The following PARD3B variants were observed in gnomAD, a reference collection of about 807,000 sequenced individuals.
The protein encoded by PARD3B is partitioning defective 3 homolog B.
Under a neutral mutation model 130.2 loss-of-function variants are expected in PARD3B, and 103 were observed. That is an observed-to-expected ratio of 0.79 (90% CI 0.67 to 0.93). The LOEUF (loss-of-function observed/expected upper bound fraction) is 0.93, where lower values mean the gene tolerates loss of function less well. Ranked by LOEUF, PARD3B falls within the 40% of genes least tolerant of loss-of-function variation. PARD3B has a pLI of 0.00. For synonymous variants in PARD3B, 583 were observed against 553.2 expected (o/e 1.05, Z -0.76); for missense variants, 1,609 against 1,499.2 (o/e 1.07, Z -1.21).
At chr2:205,256,508 C>T (rs1376804724) in intron 16 of PARD3B, among the ~76,000 whole-genome samples, 2 of 152,108 alleles carry the variant, frequency 1.3e-5, no homozygotes, top group African/African-American at 2.4e-5. Context: ...GAAAAAGTAA[C>T]AGTGGTTATC....
chr2:204,611,343 CT>C (rs2033914828), intron 1 of PARD3B, among the ~76,000 whole-genome samples: 1 of 152,116 alleles, frequency 6.6e-6, no homozygotes, highest in Admixed American at 6.5e-5. Context: ...ATTTTGACCC[CT>C]GTCTAAGAAA....
intron 2 of PARD3B, among the ~76,000 whole-genome samples, chr2:204,779,742 G>A (rs1434719202): frequency 6.6e-6 from 1 of 152,126 alleles, no homozygotes; most frequent in African/African-American, 2.4e-5. Context: ...GATGGTATTC[G>A]AGGCCAGGTC....
Position 205,312,663 on chromosome 2 carries a change from T to C in PARD3B, c.2630+10962T>C, listed in dbSNP as rs896325206. Among the ~76,000 whole-genome samples the C allele has an allele frequency of 5.3e-5, 8 of 152,238 alleles. No individual in the cohort carries two copies. In the East Asian group the frequency reaches 1.2e-3, roughly 22 times the overall value. Reference sequence around the variant, plus strand: ...TTTGGTAACTCTGAATTTTCTCTCTTCAGCCCATCTTAAATTATTTACTTT... The same window carrying C: ...TTTGGTAACTCTGAATTTTCTCTCTCCAGCCCATCTTAAATTATTTACTTT... On this transcript the variant is annotated intron_variant, in intron 18 of 22. Transcript: ENST00000406610.
At chr2:204,589,913 G>T (rs2033003504) in intron 1 of PARD3B, among the ~76,000 whole-genome samples, 1 of 152,258 alleles carries the variant, frequency 6.6e-6, no homozygotes, top group African/African-American at 2.4e-5. Flanking sequence ...GGGAGATGGG[G>T]ACTTGCTTCT....
At chr2:205,226,404 T>A (rs2038552979) in intron 15 of PARD3B, among the ~76,000 whole-genome samples, 2 of 152,198 alleles carry the variant, frequency 1.3e-5, no homozygotes, top group South Asian at 4.1e-4. Flanking sequence ...CTTGTACTTG[T>A]GGAGTATTAC....
intron 15 of PARD3B, among the ~76,000 whole-genome samples, chr2:205,196,049 T>G (rs978053854): frequency 2.0e-5 from 3 of 152,150 alleles, no homozygotes; most frequent in Non-Finnish European, 4.4e-5. Flanking sequence ...TCCATTTACT[T>G]ATTTTCACTT....
At chr2:204,715,302 T>TGACAA (rs2038663913) in intron 2 of PARD3B, among the ~76,000 whole-genome samples, 1 of 152,224 alleles carries the variant, frequency 6.6e-6, no homozygotes, top group African/African-American at 2.4e-5. Context: ...CCTGTGATTC[T>TGACAA]GACAAATTTT....
At chr2:205,457,271 ATTGTT>A (rs1488752394) in intron 20 of PARD3B, among the ~76,000 whole-genome samples, 31 of 151,916 alleles carry the variant, frequency 2.0e-4, no homozygotes, top group Non-Finnish European at 4.3e-4. Flanking sequence ...TGTGTGTAGA[ATTGTT>A]TGTTGTATTC....
chr2:205,583,391 G>GTGTGTGTGTC (rs1183255392), intron 22 of PARD3B, among the ~76,000 whole-genome samples: 2 of 70,978 alleles, frequency 2.8e-5, no homozygotes, highest in African/African-American at 8.9e-5. Context: ...GTGTGTGTGT[G>GTGTGTGTGTC]TGTGTGTGTG....
chr2:204,640,806 A>G (rs1574601000), intron 1 of PARD3B, among the ~76,000 whole-genome samples: 1 of 151,866 alleles, frequency 6.6e-6, no homozygotes, highest in African/African-American at 2.4e-5. Flanking sequence ...TCCAGAAAGC[A>G]TGAGGCACTG....
intron 18 of PARD3B, among the ~76,000 whole-genome samples, chr2:205,323,900 T>A (rs1036490495): frequency 6.6e-5 from 10 of 152,320 alleles, no homozygotes; most frequent in Middle Eastern, 3.4e-3. Context: ...AAACCAAATA[T>A]AGCCCTCCCC....
At chr2:205,127,860 G>C (rs967740922) in intron 10 of PARD3B, among the ~76,000 whole-genome samples, 8 of 152,178 alleles carry the variant, frequency 5.3e-5, no homozygotes, top group Non-Finnish European at 8.8e-5. Flanking sequence ...ACTTTCTAGA[G>C]AAATGATGCA....
intron 3 of PARD3B, among the ~76,000 whole-genome samples, chr2:204,999,052 A>G (rs1269585390): frequency 6.6e-6 from 1 of 151,880 alleles, no homozygotes; most frequent in African/African-American, 2.4e-5. Flanking sequence ...ACTGGCAATA[A>G]AGTGTAATCT....
intron 11 of PARD3B, among the ~76,000 whole-genome samples, chr2:205,170,073 G>A (rs1966466): frequency 0.36 from 54,746 of 151,544 alleles, 10,508 homozygotes; most frequent in Middle Eastern, 0.52. Flanking sequence ...TGGGATTACA[G>A]GCATGCACCA....
intron 2 of PARD3B, among the ~76,000 whole-genome samples, chr2:204,706,374 A>G (rs1025616699): frequency 4.0e-5 from 6 of 149,366 alleles, no homozygotes; most frequent in South Asian, 2.1e-4. Context: ...CTCAAAAAAA[A>G]AAAAAGAAAA....
At chr2:204,585,830 C>T (rs769995363) in intron 1 of PARD3B, among the ~76,000 whole-genome samples, 5 of 152,058 alleles carry the variant, frequency 3.3e-5, no homozygotes, top group East Asian at 1.9e-4. Flanking sequence ...TTTAAAAATA[C>T]GCATTGTAAT....
At chr2:204,762,820 G>C (rs189087730) in intron 2 of PARD3B, among the ~76,000 whole-genome samples, 2 of 150,132 alleles carry the variant, frequency 1.3e-5, no homozygotes, top group South Asian at 4.2e-4. Context: ...GAGTGCAATG[G>C]CACGATCTCG....
chr2:205,546,953 GT>G (rs1458278560), intron 21 of PARD3B, among the ~76,000 whole-genome samples: 3 of 152,030 alleles, frequency 2.0e-5, no homozygotes, highest in African/African-American at 7.2e-5. Context: ...ATATGTATGT[GT>G]TTATAAATGT....
chr2:204,970,944 T>C (rs1454216428), intron 3 of PARD3B, among the ~76,000 whole-genome samples: 1 of 152,242 alleles, frequency 6.6e-6, no homozygotes, highest in Non-Finnish European at 1.5e-5. Flanking sequence ...CTTTATTGTT[T>C]CCATGTGTGT....
Sources: allele counts gnomAD v4.1 joint callset (sites outside exome capture counted in the v4.1 genomes callset), GRCh38; gene constraint gnomAD v4.1.1; transcripts MANE v1.5; gene names NCBI Gene and HGNC (gene_info 2026-07-23, HGNC 2026-07-21).